The following ZNF37A variants were observed in gnomAD, a reference collection of about 807,000 sequenced individuals.
The protein encoded by ZNF37A is zinc finger protein 37A, also known as zinc finger protein 37a (KOX 21).
A neutral mutation model predicts 12.3 loss-of-function variants in ZNF37A; 10 were observed. The observed-to-expected ratio is 0.82, with a 90% CI of 0.50 to 1.38. ZNF37A has a LOEUF of 1.38. ZNF37A is among the 40% of genes most tolerant of loss of function. ZNF37A has a pLI of 0.00. For missense variants in ZNF37A, 580 were observed against 651.2 expected (o/e 0.89, Z 1.19); for synonymous variants, 207 against 223.0 (o/e 0.93, Z 0.64).
chr10:38,132,916 C>T (rs1362590226), intron 7 of ZNF37A, among the ~76,000 whole-genome samples: 1 of 149,532 alleles, frequency 6.7e-6, no homozygotes, highest in Admixed American at 6.6e-5. Flanking sequence ...TTTCTCCCTT[C>T]CATTCTGTCA....
chr10:38,149,665 C>A (rs1207292790), exon 8 of ZNF37A: 1 of 150,776 alleles, frequency 6.6e-6, no homozygotes, highest in Non-Finnish European at 1.5e-5. Context: ...AGCTCCGCCT[C>A]CTGGGTTCAC....
intron 7 of ZNF37A, among the ~76,000 whole-genome samples, chr10:38,146,313 G>A (rs2070253290): frequency 1.3e-5 from 2 of 152,086 alleles, no homozygotes; most frequent in African/African-American, 4.8e-5. Context: ...TTTCGCTCTT[G>A]TTGCCCAGGC....
rs539023277 is a variant in ZNF37A at position 38,132,708 on chromosome 10, A to G, written c.239-14024A>G. ...AGCCATGATGTTTTGTAGATCAGGT[A>G]TATCAAACTCATTTTCAACTTGTAT... is the stretch of plus-strand genomic sequence containing the variant. On this transcript the variant is annotated intron_variant, in intron 7 of 7. Transcript: ENST00000638053. Among the ~76,000 whole-genome samples, 4 of 152,226 alleles carry G rather than the reference A, an allele frequency of 2.6e-5. No individual in the cohort carries two copies. In the East Asian group the frequency reaches 7.7e-4, roughly 29 times the overall value.
chr10:38,109,258 G>T (rs966392327), intron 5 of ZNF37A, among the ~76,000 whole-genome samples: 1 of 152,118 alleles, frequency 6.6e-6, no homozygotes, highest in African/African-American at 2.4e-5. Flanking sequence ...CTCAGTAGGT[G>T]CAGAAAAGGC....
In ZNF37A at chr10:38,121,945, G is replaced by A. The variant is rs1228744321; in HGVS notation, c.*3108G>A. The stretch of plus-strand genomic sequence containing the variant: ...AATCATCTCATGTACCTGACAGTAA[G>A]AAAATACTCTGGCTGGTCTCAGTGG... On this transcript the variant is annotated 3_prime_UTR_variant, in exon 8 of 8. Coordinates refer to ENST00000685332, the MANE Select transcript of ZNF37A (RefSeq NM_001324250.3). 6.6e-6 allele frequency: 1 copy of A among 152,116 alleles called. No homozygotes were observed. Among genetic ancestry groups the A allele is most frequent in the Admixed American group, 6.5e-5 (1 of 15,268 alleles). The allele number at this position is 152,116 out of a possible 1,614,324, so 9.4% of individuals were successfully genotyped here. A position where few individuals can be genotyped will look rare whatever the true frequency, so the allele number is the denominator to read the frequency against.
downstream of ZNF37A, chr10:38,125,616 C>G (rs1384233372): frequency 6.6e-6 from 1 of 152,176 alleles, no homozygotes; most frequent in African/African-American, 2.4e-5. Context: ...TAAAACACCA[C>G]TCAGTAGGAG....
At chr10:38,139,017 T>G (rs2070147083) in intron 7 of ZNF37A, 1 of 152,230 alleles carries the variant, frequency 6.6e-6, no homozygotes, top group Non-Finnish European at 1.5e-5. Context: ...GTAGCCTATC[T>G]GCAGAGGAAG....
chr10:38,099,818 A>G (rs979573579), intron 5 of ZNF37A, among the ~76,000 whole-genome samples: 1 of 152,138 alleles, frequency 6.6e-6, no homozygotes, highest in Non-Finnish European at 1.5e-5. Flanking sequence ...AGCCATTGTA[A>G]TGGGTGTATG....
chr10:38,104,609 C>T (rs1268868238), intron 5 of ZNF37A, among the ~76,000 whole-genome samples: 3 of 152,052 alleles, frequency 2.0e-5, no homozygotes, highest in African/African-American at 7.2e-5. Flanking sequence ...CCATCTTGTC[C>T]TTTTCCTGCA....
chr10:38,104,213 A>G (rs1005530920), intron 5 of ZNF37A, among the ~76,000 whole-genome samples: 8 of 152,134 alleles, frequency 5.3e-5, no homozygotes, highest in African/African-American at 7.2e-5. Context: ...AATGCTTTCA[A>G]CAAGCACTTC....
chr10:38,135,201 A>G (rs780212648), intron 7 of ZNF37A, among the ~76,000 whole-genome samples: 3 of 152,208 alleles, frequency 2.0e-5, no homozygotes, highest in Non-Finnish European at 4.4e-5. Flanking sequence ...CTTGGCCAAC[A>G]TTGTGAAACC....
chr10:38,140,891 G>A (rs961867159), intron 7 of ZNF37A: 2 of 152,174 alleles, frequency 1.3e-5, no homozygotes, highest in African/African-American at 4.8e-5. Flanking sequence ...AAAGAGACGT[G>A]AGTCCATACT....
In ZNF37A at chr10:38,115,114, T is replaced by TGTGTAC. The variant is rs1554780624; in HGVS notation, c.143-79_143-78insGTACGT. The TGTGTAC allele has an allele frequency of 1.1e-4, 115 of 1,094,944 alleles. 2 individuals are homozygous for TGTGTAC. The highest frequency in any genetic ancestry group is 9.9e-4 in the South Asian group (67 of 67,794). 67.8% of individuals were successfully genotyped at this position (1,094,944 alleles called of 1,614,324 possible). A position where few individuals can be genotyped will look rare whatever the true frequency, so the allele number is the denominator to read the frequency against. On this transcript the variant is annotated intron_variant, in intron 6 of 7. Transcript: ENST00000685332. ...GTGTGTGTGTGTGTGTGTGTGTGTG[T>TGTGTAC]GTACTGTTTGGGGTATACTGTCTTC... is the stretch of plus-strand genomic sequence containing the variant.
rs1180153334 is a variant in ZNF37A, at chr10:38,117,709, A to G, written c.558A>G (p.Ser186=). The G allele has an allele frequency of 6.2e-7, 1 of 1,613,962 alleles. No individual in the cohort carries two copies. The highest frequency in any genetic ancestry group is 1.1e-5 in the South Asian group (1 of 91,072). Residue 186 remains serine, a synonymous_variant, in exon 8 of 8, where the codon TCA becomes TCG. Transcript: ENST00000685332. ...YTEHGKTCDM[S]FFITHQQTHP... ...AACATGGGAAAACCTGTGATATGTC[A>G]TTTTTCATCACTCATCAGCAAACAC... is the stretch of plus-strand genomic sequence containing the variant.
chr10:38,100,532 T>C (rs2067481103), intron 5 of ZNF37A, among the ~76,000 whole-genome samples: 1 of 152,202 alleles, frequency 6.6e-6, no homozygotes, highest in African/African-American at 2.4e-5. Context: ...TCAGCGATAT[T>C]TCTCCCATTT....
chr10:38,111,747 G>A (rs1177643515), intron 5 of ZNF37A, among the ~76,000 whole-genome samples: 4 of 152,112 alleles, frequency 2.6e-5, no homozygotes, highest in African/African-American at 9.7e-5. Flanking sequence ...TCCTTGCAGA[G>A]TAGATCTAGT....
Position 38,112,741 on chromosome 10 carries a change from TTTTCTTTTC to T in ZNF37A, c.16-2010_16-2002del. Among the ~76,000 whole-genome samples, 2 of 26,128 alleles carry T rather than the reference TTTTCTTTTC, an allele frequency of 7.7e-5. 1 individual carries two copies. The highest frequency in any genetic ancestry group is 2.6e-3 in the East Asian group (2 of 768). The allele number at this position is 26,128 out of a possible 152,430, so 17.1% of individuals were successfully genotyped here. A position where few individuals can be genotyped will look rare whatever the true frequency, so the allele number is the denominator to read the frequency against. On this transcript the variant is annotated intron_variant, in intron 5 of 7. Coordinates refer to ENST00000685332, the MANE Select transcript of ZNF37A (RefSeq NM_001324250.3). ...TGTATTTTACATCCATTTTCTTTTC[TTTTCTTTTC>T]TTTTCTTTTCTTTTCTTTTCTTTTC...
chr10:38,118,937 T>G lies in ZNF37A; in HGVS notation c.*100T>G. The G allele has an allele frequency of 7.1e-7, 1 of 1,411,408 alleles. No homozygotes were observed. Among genetic ancestry groups the G allele is most frequent in the South Asian group, 1.8e-5 (1 of 56,678 alleles). 87.4% of individuals were successfully genotyped at this position (1,411,408 alleles called of 1,614,324 possible). On this transcript the variant is annotated 3_prime_UTR_variant, in exon 8 of 8. Coordinates refer to ENST00000685332, the MANE Select transcript of ZNF37A (RefSeq NM_001324250.3). Reference sequence around the variant, plus strand: ...TGCCCTGAAGTCAGTTCTCACAGTATAGAAGAGAACTTAAAGAGGGAAAAA... The same window carrying G: ...TGCCCTGAAGTCAGTTCTCACAGTAGAGAAGAGAACTTAAAGAGGGAAAAA...
At chr10:38,103,990 TG>T (rs1382468916) in intron 5 of ZNF37A, among the ~76,000 whole-genome samples, 1 of 152,236 alleles carries the variant, frequency 6.6e-6, no homozygotes, top group Non-Finnish European at 1.5e-5. Context: ...CAACCAGATG[TG>T]AAAGCTTAGG....
Sources: gnomAD v4.1 joint callset for allele counts (sites outside exome capture counted in the v4.1 genomes callset) on GRCh38, gnomAD v4.1.1 for gene constraint, MANE v1.5 for transcripts, NCBI Gene and HGNC (gene_info 2026-07-23, HGNC 2026-07-21) for gene names.